IPO7: variants seen among roughly 807,000 people sequenced by gnomAD.
IPO7 encodes importin-7.
IPO7 carries 13 observed loss-of-function variants against 136.4 expected under a neutral mutation model. The ratio of observed to expected loss-of-function variants is 0.10; its 90% CI spans 0.06 to 0.15. The LOEUF is 0.15. Ranked by LOEUF, IPO7 falls within the 10% of genes least tolerant of loss-of-function variation. The pLI is 1.00. For synonymous variants in IPO7, 403 were observed against 404.4 expected (o/e 1.00, Z 0.04); for missense variants, 857 against 1,240.6 (o/e 0.69, Z 4.65).
intron 22 of IPO7, among the ~76,000 whole-genome samples, chr11:9,439,471 C>T (rs187010490): frequency 4.8e-4 from 73 of 152,102 alleles, no homozygotes; most frequent in Admixed American, 1.6e-3. Flanking sequence ...GAATCCTTGA[C>T]GCTTAAATAG....
In IPO7 at chr11:9,420,640, A is replaced by C; in HGVS notation, c.848A>C (p.Lys283Thr). The stretch of plus-strand genomic sequence containing the variant: ...TATGGAAGCCCTGGCAATGTTTCCA[A>C]GGAGTATAATGAATTTGCTGAAGTA... Reference protein sequence around the residue: ...ERYGSPGNVSKEYNEFAEVFL... With the variant: ...ERYGSPGNVSTEYNEFAEVFL... The change falls in exon 8 of 25, where the codon AAG (lysine) becomes ACG (threonine). Residue 283 changes from lysine to threonine, a missense_variant. Around this residue, in one of 11 missense-constraint regions of IPO7, gnomAD observed 287 missense variants for 307.5 expected, o/e 0.93. Transcript: ENST00000379719. 6.2e-7 allele frequency: 1 copy of C among 1,613,030 alleles called. No homozygotes were observed. The highest frequency in any genetic ancestry group is 8.5e-7 in the Non-Finnish European group (1 of 1,179,062).
intron 24 of IPO7, among the ~76,000 whole-genome samples, chr11:9,442,630 GTA>G (rs2133768616): frequency 6.6e-6 from 1 of 152,156 alleles, no homozygotes; most frequent in Admixed American, 6.5e-5. Flanking sequence ...AGCCAGGATG[GTA>G]TCAATCTCCT....
intron 1 of IPO7, among the ~76,000 whole-genome samples, chr11:9,391,041 A>T (rs912433162): frequency 6.6e-6 from 1 of 152,082 alleles, no homozygotes; most frequent in Non-Finnish European, 1.5e-5. Flanking sequence ...AAGTGTTGGG[A>T]TTACAGGCAT....
chr11:9,404,397 G>A (rs1400464833), intron 2 of IPO7, among the ~76,000 whole-genome samples: 11 of 151,502 alleles, frequency 7.3e-5, no homozygotes, highest in African/African-American at 1.5e-4. Flanking sequence ...CCTGGGAGGC[G>A]GAGCTTGCAG....
intron 1 of IPO7, among the ~76,000 whole-genome samples, chr11:9,389,648 T>G (rs563377894): frequency 6.6e-6 from 1 of 152,334 alleles, no homozygotes; most frequent in East Asian, 1.9e-4. Context: ...TTTCCCCTGT[T>G]ATATTCGCAG....
chr11:9,419,559 A>AAAAAAAAAATATATATATATAT (rs1256216265), intron 6 of IPO7, among the ~76,000 whole-genome samples: 27 of 116,830 alleles, frequency 2.3e-4, no homozygotes, highest in African/African-American at 9.0e-4. Context: ...AAAAAAAAAA[A>AAAAAAAAAATATATATATATAT]ATATATATAT....
chr11:9,419,441 G>A (rs1176957338), intron 6 of IPO7, among the ~76,000 whole-genome samples: 6 of 151,314 alleles, frequency 4.0e-5, no homozygotes, highest in Admixed American at 3.3e-4. Flanking sequence ...CCAGCTACTC[G>A]GGAGGCTGAG....
At chr11:9,438,045 G>GGTTT in intron 21 of IPO7, 35 bp from the exon 22 acceptor site, 2 of 1,087,782 alleles carry the variant, frequency 1.8e-6, no homozygotes, top group Non-Finnish European at 2.4e-6. Context: ...AAAGAAAACA[G>GGTTT]TTTTTTTTTT....
rs1277137583 is a variant in IPO7 at position 9,384,774 on chromosome 11, A to G, written c.11A>G (p.Asn4Ser). ...CGAGTCCGCGCTGCGATGGACCCCA[A>G]CACCATTATCGAGGCCCTGCGGGGC... MDP[N>S]TIIEALRGTM... The change falls in exon 1 of 25, where the codon AAC (asparagine) becomes AGC (serine). Residue 4 changes from asparagine (N) to serine (S), a missense_variant. Asn to Ser is a conservative substitution (Grantham distance 46). Around this residue, in one of 11 missense-constraint regions of IPO7, gnomAD observed 49 missense variants for 59.9 expected, o/e 0.82. Coordinates refer to ENST00000379719, the MANE Select transcript of IPO7 (RefSeq NM_006391.3). The G allele has an allele frequency of 6.2e-7, 1 of 1,605,252 alleles. No homozygotes were observed. Among genetic ancestry groups the G allele is most frequent in the Non-Finnish European group, 8.5e-7 (1 of 1,176,046 alleles).
At chr11:9,387,700 G>T (rs552936651) in intron 1 of IPO7, among the ~76,000 whole-genome samples, 26 of 151,880 alleles carry the variant, frequency 1.7e-4, no homozygotes, top group African/African-American at 5.6e-4. Flanking sequence ...GCGCGGTGGC[G>T]CATGCTTGTA....
chr11:9,415,014 A>C (rs561174095), intron 5 of IPO7, among the ~76,000 whole-genome samples: 14 of 152,104 alleles, frequency 9.2e-5, no homozygotes, highest in African/African-American at 3.4e-4. Flanking sequence ...AGTATCTTTC[A>C]CCTTAGGAAT....
At position 9,387,308 on chromosome 11, in the gene IPO7, T is replaced by C. The variant is rs570435509; in HGVS notation, c.84+2461T>C. 2.6e-5 allele frequency among the ~76,000 whole-genome samples: 4 copies of C among 152,348 alleles called. 1 individual carries two copies. The highest frequency in any genetic ancestry group is 9.6e-5 in the African/African-American group (4 of 41,580). On this transcript the variant is annotated intron_variant, in intron 1 of 24. Coordinates refer to ENST00000379719, the MANE Select transcript of IPO7 (RefSeq NM_006391.3). Reference sequence around the variant, plus strand: ...AAATGTTATTAAAGTGTTTATAGTATAGACAGTTTCGAAACAAAATAGCCC... The same window carrying C: ...AAATGTTATTAAAGTGTTTATAGTACAGACAGTTTCGAAACAAAATAGCCC...
intron 1 of IPO7, among the ~76,000 whole-genome samples, chr11:9,390,215 C>T (rs1288605815): frequency 1.3e-5 from 2 of 152,002 alleles, no homozygotes; most frequent in Non-Finnish European, 2.9e-5. Context: ...GTACAGGCAG[C>T]AGTGCTACTT....
At chr11:9,390,304 T>C (rs1294626060) in intron 1 of IPO7, among the ~76,000 whole-genome samples, 1 of 151,930 alleles carries the variant, frequency 6.6e-6, no homozygotes, top group Admixed American at 6.6e-5. Context: ...TGTTTTTTTT[T>C]TTTTAACTCA....
intron 10 of IPO7, among the ~76,000 whole-genome samples, chr11:9,424,378 G>T (rs1009066352): frequency 6.6e-6 from 1 of 152,130 alleles, no homozygotes; most frequent in Admixed American, 6.5e-5. Flanking sequence ...TCATACATAC[G>T]ATTTAAACTG....
intron 12 of IPO7, among the ~76,000 whole-genome samples, chr11:9,427,729 AC>A (rs1855233060): frequency 6.6e-6 from 1 of 152,212 alleles, no homozygotes; most frequent in South Asian, 2.1e-4. Context: ...TAGTGGTAAT[AC>A]CTTACATAGG....
chr11:9,432,347 G>A (rs749136408), intron 16 of IPO7, among the ~76,000 whole-genome samples: 17 of 151,978 alleles, frequency 1.1e-4, no homozygotes, highest in East Asian at 3.9e-4. Context: ...GAGTGCAGGC[G>A]CGCACCACCA....
intron 2 of IPO7, among the ~76,000 whole-genome samples, chr11:9,405,090 G>A (rs1237123418): frequency 6.6e-6 from 1 of 152,090 alleles, no homozygotes; most frequent in Non-Finnish European, 1.5e-5. Context: ...GACTCTGCTA[G>A]GCAGATAGGA....
At chr11:9,390,240 T>C (rs542148921) in intron 1 of IPO7, among the ~76,000 whole-genome samples, 1 of 152,026 alleles carries the variant, frequency 6.6e-6, no homozygotes, top group South Asian at 2.1e-4. Context: ...ACTTGCTTTA[T>C]ATGAAAAAGT....
Sources: allele counts gnomAD v4.1 joint callset (sites outside exome capture counted in the v4.1 genomes callset), GRCh38; gene constraint gnomAD v4.1.1; regional missense constraint gnomAD v4.1.1; transcripts MANE v1.5; gene names NCBI Gene and HGNC (gene_info 2026-07-23, HGNC 2026-07-21).